THSD4: variants seen among roughly 807,000 people sequenced by gnomAD.
THSD4 encodes the protein thrombospondin type 1 domain containing 4, also known as thrombospondin type-1 domain-containing protein 4.
Under a neutral mutation model 119.0 loss-of-function variants are expected in THSD4, and 69 were observed. That is an observed-to-expected ratio of 0.58 (90% CI 0.48 to 0.71). The LOEUF is 0.71. Among genes scored for constraint, THSD4 ranks in the 30% least tolerant of loss-of-function variants. THSD4 has a pLI of 0.00. For missense variants in THSD4, 1,393 were observed against 1,391.1 expected (o/e 1.00, Z -0.02); for synonymous variants, 524 against 540.4 (o/e 0.97, Z 0.42).
intron 6 of THSD4, among the ~76,000 whole-genome samples, chr15:71,284,731 GAA>G (rs936395281): frequency 6.6e-6 from 1 of 151,958 alleles, no homozygotes; most frequent in Admixed American, 6.5e-5. Context: ...AGCTATGAAA[GAA>G]AAAAGTTTCC....
At chr15:71,180,366 T>C (rs1400406061) in intron 3 of THSD4, among the ~76,000 whole-genome samples, 1 of 152,030 alleles carries the variant, frequency 6.6e-6, no homozygotes, top group Non-Finnish European at 1.5e-5. Context: ...AAAGAAGATA[T>C]GCAAATGTCC....
At chr15:71,304,554 T>A (rs958044817) in intron 6 of THSD4, among the ~76,000 whole-genome samples, 3 of 152,296 alleles carry the variant, frequency 2.0e-5, no homozygotes, top group Non-Finnish European at 2.9e-5. Context: ...CTTTTCCTCC[T>A]TTCTTGTTTT....
At chr15:71,370,728 A>G (rs1311972616) in intron 6 of THSD4, among the ~76,000 whole-genome samples, 1 of 152,118 alleles carries the variant, frequency 6.6e-6, no homozygotes, top group Non-Finnish European at 1.5e-5. Flanking sequence ...GAATAAGTGC[A>G]ATGTGGTGCT....
Position 71,737,806 on chromosome 15 carries a change from G to A in THSD4, c.1705G>A (p.Glu569Lys), listed in dbSNP as rs2053145725. The A allele has an allele frequency of 4.3e-6, 7 of 1,614,264 alleles. No homozygotes were observed. Among genetic ancestry groups the A allele is most frequent in the Non-Finnish European group, 5.9e-6 (7 of 1,180,034 alleles). The change falls in exon 11 of 18, where the codon GAG becomes AAG. Residue 569 changes from glutamate to lysine, a missense_variant. Transcript: ENST00000261862. ...EEGEQKGRNE[E>K]KEDLRGEAPE... ...GGGAGAACAGAAAGGGAGGAACGAG[G>A]AGAAGGAAGACTTGCGTGGGGAGGC...
chr15:71,626,558 G>T (rs2050514167), intron 7 of THSD4, among the ~76,000 whole-genome samples: 1 of 152,112 alleles, frequency 6.6e-6, no homozygotes, highest in South Asian at 2.1e-4. Context: ...GATTTTTAAA[G>T]CATCAAAAGA....
intron 4 of THSD4, among the ~76,000 whole-genome samples, chr15:71,235,900 C>T (rs1046284297): frequency 2.0e-5 from 3 of 152,232 alleles, no homozygotes; most frequent in Non-Finnish European, 2.9e-5. Context: ...GGAATGCCAC[C>T]GCTCTTAATG....
chr15:71,383,715 A>G (rs2046256467), intron 6 of THSD4, among the ~76,000 whole-genome samples: 1 of 152,190 alleles, frequency 6.6e-6, no homozygotes, highest in Non-Finnish European at 1.5e-5. Flanking sequence ...GATTCCACCA[A>G]CCATGGATCG....
intron 7 of THSD4, among the ~76,000 whole-genome samples, chr15:71,429,241 T>A (rs1208457443): frequency 6.6e-6 from 1 of 152,142 alleles, no homozygotes; most frequent in African/African-American, 2.4e-5. Context: ...CCCTTCTCCA[T>A]AGAGGAAAGA....
At chr15:71,720,871 C>T (rs1452554257) in intron 8 of THSD4, among the ~76,000 whole-genome samples, 1 of 152,224 alleles carries the variant, frequency 6.6e-6, no homozygotes, top group Non-Finnish European at 1.5e-5. Context: ...GCAAAGCTTG[C>T]GATTTGTTGC....
intron 17 of THSD4, among the ~76,000 whole-genome samples, chr15:71,775,281 C>T (rs1017959896): frequency 6.6e-6 from 1 of 152,108 alleles, no homozygotes; most frequent in African/African-American, 2.4e-5. Context: ...AAAAAATTAT[C>T]TAAATATATT....
intron 7 of THSD4, among the ~76,000 whole-genome samples, chr15:71,578,211 A>AAT (rs1265879685): frequency 6.7e-6 from 1 of 150,264 alleles, no homozygotes; most frequent in Non-Finnish European, 1.5e-5. Context: ...TGATAAATTG[A>AAT]ATATATATAT....
chr15:71,638,365 G>A (rs925795447), intron 7 of THSD4, among the ~76,000 whole-genome samples: 1 of 152,180 alleles, frequency 6.6e-6, no homozygotes, highest in African/African-American at 2.4e-5. Flanking sequence ...AAATTGTGAT[G>A]AAATGTCCTA....
intron 16 of THSD4, among the ~76,000 whole-genome samples, chr15:71,765,779 G>GCA (rs1365906460): frequency 1.5e-5 from 2 of 134,734 alleles, no homozygotes; most frequent in Admixed American, 7.0e-5. Context: ...AAACACACAC[G>GCA]CACACACTCT....
At chr15:71,353,088 T>G (rs2045764545) in intron 6 of THSD4, among the ~76,000 whole-genome samples, 1 of 152,252 alleles carries the variant, frequency 6.6e-6, no homozygotes, top group South Asian at 2.1e-4. Context: ...GACACTTTTC[T>G]GAGCACTCTA....
At chr15:71,119,149 C>T (rs1487502383) in intron 1 of THSD4, among the ~76,000 whole-genome samples, 1 of 152,188 alleles carries the variant, frequency 6.6e-6, no homozygotes, top group Non-Finnish European at 1.5e-5. Flanking sequence ...AAAGTTGAGG[C>T]TTACTTGCCT....
At chr15:71,572,441 A>T (rs2140901637) in intron 7 of THSD4, among the ~76,000 whole-genome samples, 1 of 152,270 alleles carries the variant, frequency 6.6e-6, no homozygotes, top group East Asian at 1.9e-4. Flanking sequence ...CTTACACAGT[A>T]TACCACTTTC....
intron 7 of THSD4, among the ~76,000 whole-genome samples, chr15:71,532,562 G>T (rs564225392): frequency 6.6e-6 from 1 of 151,606 alleles, no homozygotes; most frequent in South Asian, 2.1e-4. Flanking sequence ...CAATCTGCCC[G>T]CCTTGGCCTC....
chr15:71,359,778 C>G (rs1008793687), intron 6 of THSD4, among the ~76,000 whole-genome samples: 5 of 152,118 alleles, frequency 3.3e-5, no homozygotes, highest in Non-Finnish European at 7.4e-5. Flanking sequence ...CCACTGCACT[C>G]CAGCCTGAGA....
intron 6 of THSD4, among the ~76,000 whole-genome samples, chr15:71,410,881 A>ACG (rs1388237300): frequency 1.3e-5 from 2 of 152,034 alleles, no homozygotes; most frequent in African/African-American, 4.8e-5. Flanking sequence ...AAAAATACAC[A>ACG]CACACACACA....
Sources: gnomAD v4.1 joint callset for allele counts (sites outside exome capture counted in the v4.1 genomes callset) on GRCh38, gnomAD v4.1.1 for gene constraint, MANE v1.5 for transcripts, NCBI Gene and HGNC (gene_info 2026-07-23, HGNC 2026-07-21) for gene names.